The following CTTN variants were observed in gnomAD, a reference collection of about 807,000 sequenced individuals.
CTTN encodes cortactin.
A neutral mutation model predicts 84.0 loss-of-function variants in CTTN; 28 were observed. The observed-to-expected ratio is 0.33, with a 90% CI of 0.25 to 0.46. The LOEUF (loss-of-function observed/expected upper bound fraction) is 0.46, where lower values mean the gene tolerates loss of function less well. Ranked by LOEUF, CTTN falls within the 20% of genes least tolerant of loss-of-function variation. The probability of loss-of-function intolerance (pLI) is 1.00; values close to 1 mark genes in which losing one functional copy is unlikely to be tolerated. For missense variants in CTTN, 641 were observed against 723.8 expected (o/e 0.89, Z 1.31); for synonymous variants, 301 against 288.8 (o/e 1.04, Z -0.43).
At chr11:70,434,068 G>A (rs761301715) in intron 17 of CTTN, among the ~76,000 whole-genome samples, 1 of 152,232 alleles carries the variant, frequency 6.6e-6, no homozygotes, top group Admixed American at 6.5e-5. Context: ...GGGCCGCACA[G>A]ATGCCTTGAT....
rs994558052 is a variant in CTTN, at chr11:70,436,178, A to C, written c.*1016A>C. On this transcript the variant is annotated 3_prime_UTR_variant, in exon 18 of 18. Transcript: ENST00000301843. The stretch of plus-strand genomic sequence containing the variant: ...TCAATTTCAGTAGTTTGATCAGTTG[A>C]AGGCTAGAAGTGTGAAGTGCAGATG... 42 of 1,504,534 alleles carry C rather than the reference A, an allele frequency of 2.8e-5. No homozygotes were observed. The highest frequency in any genetic ancestry group is 4.2e-5 in the African/African-American group (3 of 71,844). 93.2% of individuals were successfully genotyped at this position (1,504,534 alleles called of 1,614,324 possible). A position where few individuals can be genotyped will look rare whatever the true frequency, so the allele number is the denominator to read the frequency against.
intron 5 of CTTN, among the ~76,000 whole-genome samples, chr11:70,410,684 T>A (rs1334991522): frequency 6.6e-6 from 1 of 152,178 alleles, no homozygotes; most frequent in Non-Finnish European, 1.5e-5. Context: ...TCGCAGTGTG[T>A]TTGCATGTTT....
intron 17 of CTTN, among the ~76,000 whole-genome samples, chr11:70,434,125 G>A (rs964175306): frequency 6.6e-5 from 10 of 152,226 alleles, no homozygotes; most frequent in African/African-American, 9.6e-5. Context: ...GCCAGCTCCC[G>A]TGTGGCCTGC....
At chr11:70,401,032 T>G (rs996905500) in intron 1 of CTTN, among the ~76,000 whole-genome samples, 15 of 152,204 alleles carry the variant, frequency 9.9e-5, no homozygotes, top group Admixed American at 1.3e-4. Flanking sequence ...GGTTCTGTCC[T>G]GTCATTTAAA....
At chr11:70,416,376 A>G (rs890485376) in intron 7 of CTTN, among the ~76,000 whole-genome samples, 10 of 151,670 alleles carry the variant, frequency 6.6e-5, no homozygotes, top group African/African-American at 9.7e-5. Context: ...TCCCATGTTC[A>G]GCTGCATGGC....
At position 70,436,403 on chromosome 11, in the gene CTTN, C is replaced by T. The variant is rs1382888358; in HGVS notation, c.*1241C>T. 13 of 1,597,870 alleles carry T rather than the reference C, an allele frequency of 8.1e-6. No homozygotes were observed. Among genetic ancestry groups the T allele is most frequent in the Non-Finnish European group, 1.1e-5 (13 of 1,179,692 alleles). ...TCTCGGGACTTGGGTCCCGGAGTGC[C>T]CGTGAAGCGTGTTTTTGCTCCTGAG... On this transcript the variant is annotated 3_prime_UTR_variant, in exon 18 of 18. Coordinates refer to ENST00000301843, the MANE Select transcript of CTTN (RefSeq NM_005231.4).
At chr11:70,433,817 A>G in intron 17 of CTTN, 99 bp downstream of exon 17, 1 of 847,458 alleles carries the variant, frequency 1.2e-6, no homozygotes. Flanking sequence ...TGTTAGTTTT[A>G]GAAGTAATTT....
rs2058172595 is a variant in CTTN, at chr11:70,417,113, G to A, written c.558G>A (p.Glu186=). 1 of 1,613,954 alleles carries A rather than the reference G, an allele frequency of 6.2e-7. No homozygotes were observed. The highest frequency in any genetic ancestry group is 8.5e-7 in the Non-Finnish European group (1 of 1,179,818). ...ACCAGGGCAAGACGGAGAAGCACGAGTCACAGAGAGGTGGGGCGGACCCCA... is the reference window on the plus strand; with the variant it reads ...ACCAGGGCAAGACGGAGAAGCACGAATCACAGAGAGGTGGGGCGGACCCCA... ...FDYQGKTEKH[E]SQRDYSKGFG... The change falls in exon 8 of 18, where the codon GAG becomes GAA. Residue 186 remains glutamate (E), a synonymous_variant. Transcript: ENST00000301843.
chr11:70,435,141 CTA>C lies in CTTN; in HGVS notation c.1634_1635del (p.Tyr545CysfsTer78). 3 of 1,611,368 alleles carry C rather than the reference CTA, an allele frequency of 1.9e-6. No individual in the cohort carries two copies. Among genetic ancestry groups the C allele is most frequent in the Non-Finnish European group, 2.5e-6 (3 of 1,179,046 alleles). ...KGRYGLFPAN[Y>X]VELRQ ...GCCGGTACGGGCTCTTCCCAGCCAA[CTA>C]TGTGGAGCTGCGGCAGTAGGGCCCC... On this transcript the variant is annotated frameshift_variant, in exon 18 of 18. Transcript: ENST00000301843. LOFTEE classifies it high-confidence loss of function.
chr11:70,420,193 C>T (rs908953830), intron 9 of CTTN: 3 of 603,672 alleles, frequency 5.0e-6, no homozygotes, highest in South Asian at 4.1e-5. Flanking sequence ...GGCTTAGTCA[C>T]GATGCTGAGG....
chr11:70,425,756 T>C (rs1192716262), intron 13 of CTTN, among the ~76,000 whole-genome samples: 3 of 152,168 alleles, frequency 2.0e-5, no homozygotes, highest in African/African-American at 7.2e-5. Flanking sequence ...CGGTCGCAGC[T>C]GTGACAGGAG....
intron 5 of CTTN, among the ~76,000 whole-genome samples, chr11:70,411,377 G>A (rs1199565916): frequency 3.0e-5 from 4 of 135,590 alleles, no homozygotes; most frequent in East Asian, 2.1e-4. Context: ...AGTGCAGCGA[G>A]CGAAGCGTGT....
At chr11:70,411,967 C>T (rs1176959450) in intron 5 of CTTN, among the ~76,000 whole-genome samples, 1 of 152,180 alleles carries the variant, frequency 6.6e-6, no homozygotes, top group Non-Finnish European at 1.5e-5. Context: ...TCTCATGGAA[C>T]CAAGGAGGCT....
intron 17 of CTTN, 89 bp from the exon 18 acceptor site, chr11:70,434,937 C>T: frequency 1.0e-5 from 15 of 1,436,126 alleles, no homozygotes; most frequent in Non-Finnish European, 1.5e-5. Context: ...GAGCAGGCTG[C>T]CTGGGAGCTT....
intron 13 of CTTN, among the ~76,000 whole-genome samples, chr11:70,426,734 G>C (rs1233153349): frequency 6.6e-6 from 1 of 151,590 alleles, no homozygotes; most frequent in South Asian, 2.1e-4. Context: ...GACTACAGGC[G>C]CCTGCCACCA....
chr11:70,420,321 C>T, intron 9 of CTTN, 79 bp from the exon 10 acceptor site: 2 of 904,088 alleles, frequency 2.2e-6, no homozygotes, highest in African/African-American at 1.6e-5. Flanking sequence ...ATGCGTTTAA[C>T]TGTATTGAAA....
Position 70,433,657 on chromosome 11 carries a change from C to T in CTTN, c.1455C>T (p.Thr485=). Residue 485 remains threonine, a synonymous_variant, in exon 17 of 18, where the codon ACC becomes ACT. Coordinates refer to ENST00000301843, the MANE Select transcript of CTTN (RefSeq NM_005231.4). ...APGHYPAEDS[T]YDEYENDLGI... ...ATGGCTTTCTTTTAGAGGACAGCAC[C>T]TACGATGAGTACGAGAACGATCTGG... 1 of 1,612,242 alleles carries T rather than the reference C, an allele frequency of 6.2e-7. No individual in the cohort carries two copies. Among genetic ancestry groups the T allele is most frequent in the Non-Finnish European group, 8.5e-7 (1 of 1,178,370 alleles).
chr11:70,414,876 C>T (rs894371378), intron 6 of CTTN, among the ~76,000 whole-genome samples: 1 of 152,198 alleles, frequency 6.6e-6, no homozygotes, highest in Non-Finnish European at 1.5e-5. Context: ...GGTCGCTCTT[C>T]ACTACGTGCC....
chr11:70,407,587 A>G lies in CTTN; in HGVS notation c.157A>G (p.Ile53Val). 1 of 1,613,468 alleles carries G rather than the reference A, an allele frequency of 6.2e-7. No homozygotes were observed. ...TVQGSGHQEHINIHKLRENVF... is the reference protein window; with the variant it reads ...TVQGSGHQEHVNIHKLRENVF... ...GCAGGGCTCCGGGCACCAGGAGCAT[A>G]TCAAGTAAGAGGCGTCGCCACCACC... The change falls in exon 4 of 18, where the codon ATC becomes GTC. Residue 53 changes from isoleucine (I) to valine (V), a missense_variant. Ile to Val is a conservative substitution (Grantham distance 29). This residue lies in a region of CTTN where 284 missense variants were observed against 348.4 expected (regional missense o/e 0.82). Transcript: ENST00000301843.
Sources: gnomAD v4.1 joint callset for allele counts (sites outside exome capture counted in the v4.1 genomes callset) on GRCh38, gnomAD v4.1.1 for gene constraint, gnomAD v4.1.1 regional missense constraint, MANE v1.5 for transcripts, NCBI Gene and HGNC (gene_info 2026-07-23, HGNC 2026-07-21) for gene names.